TRMT9B: variants seen among roughly 807,000 people sequenced by gnomAD.
TRMT9B encodes the protein tRNA methyltransferase 9B (putative).
TRMT9B carries 16 observed loss-of-function variants against 11.5 expected under a neutral mutation model. The observed-to-expected ratio is 1.39, with a 90% CI of 0.94 to 2.11. The LOEUF (loss-of-function observed/expected upper bound fraction) is 2.11. TRMT9B is among the 30% of genes most tolerant of loss of function. TRMT9B has a pLI of 0.00. For synonymous variants in TRMT9B, 274 were observed against 192.4 expected (o/e 1.42, Z -3.51); for missense variants, 941 against 553.8 (o/e 1.70, Z -7.02).
rs878953771 is a variant in TRMT9B, at chr8:13,024,485, C to G, written c.*2441C>G. The G allele has an allele frequency of 6.0e-6, 1 of 167,236 alleles. No homozygotes were observed. The allele number at this position is 167,236 out of a possible 1,614,324, so 10.4% of individuals were successfully genotyped here. ...AATTATGAATGGATTGTTCCTCTCTCTGAAGCCTATTGTCACATGGGTTTT... is the reference window on the plus strand; with the variant it reads ...AATTATGAATGGATTGTTCCTCTCTGTGAAGCCTATTGTCACATGGGTTTT... On this transcript the variant is annotated 3_prime_UTR_variant, in exon 5 of 5. Coordinates refer to ENST00000524591, the MANE Select transcript of TRMT9B (RefSeq NM_020844.3).
chr8:12,973,999 A>C (rs1191838130), intron 1 of TRMT9B, among the ~76,000 whole-genome samples: 1 of 152,116 alleles, frequency 6.6e-6, no homozygotes, highest in East Asian at 1.9e-4. Flanking sequence ...ATCTCCAAAA[A>C]TATATTAAAA....
intron 2 of TRMT9B, among the ~76,000 whole-genome samples, chr8:13,004,714 G>C (rs1277681481): frequency 6.6e-6 from 1 of 152,022 alleles, no homozygotes; most frequent in Non-Finnish European, 1.5e-5. Flanking sequence ...AGTCTTGCTG[G>C]CTCCAGATGC....
chr8:13,012,461 C>G, intron 3 of TRMT9B: 1 of 523,904 alleles, frequency 1.9e-6, no homozygotes, highest in Non-Finnish European at 2.8e-6. Context: ...TATGATCCCA[C>G]CTACTCGGGA....
intron 3 of TRMT9B, chr8:13,011,190 T>G: frequency 2.0e-6 from 1 of 488,402 alleles, no homozygotes; most frequent in Non-Finnish European, 2.7e-6. Context: ...TTCATCATGT[T>G]GGCCAGACTG....
chr8:12,950,954 C>T (rs1800558822), intron 1 of TRMT9B, among the ~76,000 whole-genome samples: 1 of 152,166 alleles, frequency 6.6e-6, no homozygotes, highest in African/African-American at 2.4e-5. Flanking sequence ...TAAATGTGCT[C>T]ATTTTTCGTC....
At chr8:12,966,866 G>A (rs1167805518) in intron 1 of TRMT9B, among the ~76,000 whole-genome samples, 1 of 152,042 alleles carries the variant, frequency 6.6e-6, no homozygotes, top group Non-Finnish European at 1.5e-5. Flanking sequence ...TTTTCCCAGA[G>A]GAGCAAAAAA....
intron 1 of TRMT9B, among the ~76,000 whole-genome samples, chr8:12,962,996 T>C (rs943793906): frequency 3.3e-5 from 5 of 152,226 alleles, no homozygotes; most frequent in African/African-American, 1.2e-4. Flanking sequence ...GGGGGTTTGA[T>C]TTCTTCCCAG....
intron 3 of TRMT9B, among the ~76,000 whole-genome samples, chr8:13,009,009 T>A (rs1811049312): frequency 6.6e-6 from 1 of 152,156 alleles, no homozygotes; most frequent in African/African-American, 2.4e-5. Flanking sequence ...ATTACAGGCG[T>A]GAGCCACCGC....
chr8:13,007,543 C>G (rs1335036493), intron 3 of TRMT9B: 1 of 152,134 alleles, frequency 6.6e-6, no homozygotes, highest in Non-Finnish European at 1.5e-5. Flanking sequence ...GAACTTGTGG[C>G]TTGCTGAAGA....
At chr8:13,006,155 G>T in intron 2 of TRMT9B, 47 bp from the exon 3 acceptor site, 2 of 1,587,704 alleles carry the variant, frequency 1.3e-6, no homozygotes, top group Non-Finnish European at 1.7e-6. Context: ...GCCATCTATG[G>T]TGCATAGGCT....
intron 1 of TRMT9B, among the ~76,000 whole-genome samples, chr8:12,980,800 A>G (rs1585186996): frequency 6.6e-6 from 1 of 152,178 alleles, no homozygotes; most frequent in African/African-American, 2.4e-5. Flanking sequence ...GGGAACAGAC[A>G]AGCAAAAAGC....
chr8:12,979,032 A>G lies in TRMT9B; in HGVS notation c.-199-11802A>G. Among the ~76,000 whole-genome samples, 2 of 152,140 alleles carry G rather than the reference A, an allele frequency of 1.3e-5. 1 individual carries two copies. Reference sequence around the variant, plus strand: ...ATTTTTTCTCTGGAACATGCAGGAAAGTGGCCAGTTACAGACTTGGGGACA... The same window carrying G: ...ATTTTTTCTCTGGAACATGCAGGAAGGTGGCCAGTTACAGACTTGGGGACA... On this transcript the variant is annotated intron_variant, in intron 1 of 4. Transcript: ENST00000524591.
rs1430719329 is a variant in TRMT9B at position 13,021,941 on chromosome 8, G to T, written c.1262G>T (p.Cys421Phe). ...YYHVFREGEL[C>F]SLLKENVSEL... Reference sequence around the variant, plus strand: ...CATGTGTTTCGAGAAGGGGAGCTCTGCAGTCTGCTCAAGGAGAATGTGTCA... The same window carrying T: ...CATGTGTTTCGAGAAGGGGAGCTCTTCAGTCTGCTCAAGGAGAATGTGTCA... The change falls in exon 5 of 5, where the codon TGC becomes TTC. Residue 421 changes from cysteine (C) to phenylalanine (F), a missense_variant. Physicochemically the swap from Cys to Phe is radical, Grantham distance 205 (BLOSUM62 -2). Coordinates refer to ENST00000524591, the MANE Select transcript of TRMT9B (RefSeq NM_020844.3). 5 of 1,613,624 alleles carry T rather than the reference G, an allele frequency of 3.1e-6. No individual in the cohort carries two copies. In the African/African-American group the frequency reaches 6.7e-5, roughly 22 times the overall value.
chr8:13,018,752 A>C (rs1370808107), intron 4 of TRMT9B, among the ~76,000 whole-genome samples: 1 of 152,198 alleles, frequency 6.6e-6, no homozygotes, highest in Non-Finnish European at 1.5e-5. Context: ...TTTTAAACTC[A>C]TACCAACAGC....
At chr8:12,969,408 G>T (rs925903113) in intron 1 of TRMT9B, among the ~76,000 whole-genome samples, 4 of 151,910 alleles carry the variant, frequency 2.6e-5, no homozygotes, top group African/African-American at 9.7e-5. Context: ...CATCCAAAGG[G>T]GATTGGTTCC....
intron 2 of TRMT9B, among the ~76,000 whole-genome samples, chr8:12,994,354 TA>T: frequency 6.6e-6 from 1 of 152,360 alleles, no homozygotes; most frequent in East Asian, 1.9e-4. Context: ...AAAACTTTTT[TA>T]TTTTTTAAGA....
chr8:12,978,593 G>C (rs1302600307), intron 1 of TRMT9B, among the ~76,000 whole-genome samples: 2 of 152,134 alleles, frequency 1.3e-5, no homozygotes, highest in African/African-American at 4.8e-5. Flanking sequence ...GCAATTCTGA[G>C]AAGTTCATTT....
intron 2 of TRMT9B, among the ~76,000 whole-genome samples, chr8:13,004,010 G>A (rs185452589): frequency 5.9e-4 from 90 of 151,838 alleles, no homozygotes; most frequent in Non-Finnish European, 6.6e-4. Context: ...AGAATGCTGC[G>A]TTTGTGAAAC....
chr8:12,970,880 G>A (rs148672473), intron 1 of TRMT9B, among the ~76,000 whole-genome samples: 9 of 152,280 alleles, frequency 5.9e-5, no homozygotes, highest in East Asian at 5.8e-4. Flanking sequence ...GCCAATGCTC[G>A]AAAGTTCTGT....
Sources: gnomAD v4.1 joint callset for allele counts (sites outside exome capture counted in the v4.1 genomes callset) on GRCh38, gnomAD v4.1.1 for gene constraint, MANE v1.5 for transcripts, NCBI Gene and HGNC (gene_info 2026-07-23, HGNC 2026-07-21) for gene names.